CPNE4: variants seen among roughly 807,000 people sequenced by gnomAD.
CPNE4 encodes copine-4.
In CPNE4, 25 loss-of-function variants were observed where a neutral mutation model predicts 67.9. The ratio of observed to expected loss-of-function variants is 0.37; its 90% confidence interval spans 0.27 to 0.51. The LOEUF (loss-of-function observed/expected upper bound fraction) is 0.51, where lower values mean the gene tolerates loss of function less well. CPNE4 is among the 20% of genes least tolerant of loss of function. The probability of loss-of-function intolerance (pLI) is 0.93; values close to 1 mark genes in which losing one functional copy is unlikely to be tolerated. For synonymous variants in CPNE4, 242 were observed against 244.9 expected (o/e 0.99, Z 0.11); for missense variants, 464 against 690.8 (o/e 0.67, Z 3.68).
intron 2 of CPNE4, among the ~76,000 whole-genome samples, chr3:131,818,048 A>C (rs543765787): frequency 2.0e-5 from 3 of 152,176 alleles, no homozygotes; most frequent in African/African-American, 4.8e-5. Flanking sequence ...CCACAGCTCA[A>C]TTTTCAAAGG....
intron 5 of CPNE4, among the ~76,000 whole-genome samples, chr3:131,696,204 T>C (rs1011848975): frequency 6.6e-6 from 1 of 152,194 alleles, no homozygotes; most frequent in African/African-American, 2.4e-5. Context: ...ACATAGGTGC[T>C]CAATAAATGT....
chr3:131,723,156 A>G (rs2081928398), intron 3 of CPNE4, among the ~76,000 whole-genome samples: 1 of 152,214 alleles, frequency 6.6e-6, no homozygotes, highest in Non-Finnish European at 1.5e-5. Context: ...GCATAGTGCC[A>G]GACACATAAG....
chr3:131,709,191 GTT>G (rs1232806645), intron 3 of CPNE4, among the ~76,000 whole-genome samples: 2 of 151,594 alleles, frequency 1.3e-5, no homozygotes, highest in South Asian at 4.2e-4. Context: ...TTTCTAAATA[GTT>G]TTTGCAATGA....
At chr3:132,014,588 C>T (rs1262262899) in intron 1 of CPNE4, among the ~76,000 whole-genome samples, 1 of 152,114 alleles carries the variant, frequency 6.6e-6, no homozygotes, top group Non-Finnish European at 1.5e-5. Context: ...GTTTTAAATT[C>T]TATACACTAT....
At chr3:131,758,667 G>T (rs1347738832) in intron 2 of CPNE4, among the ~76,000 whole-genome samples, 1 of 152,112 alleles carries the variant, frequency 6.6e-6, no homozygotes, top group East Asian at 1.9e-4. Context: ...GGGGCAGATT[G>T]ATGTGGTTTG....
intron 1 of CPNE4, among the ~76,000 whole-genome samples, chr3:131,938,394 AT>A (rs1446964525): frequency 4.0e-5 from 6 of 151,422 alleles, no homozygotes; most frequent in African/African-American, 9.7e-5. Flanking sequence ...AAATAAAAAA[AT>A]AAACTTGATA....
intron 7 of CPNE4, among the ~76,000 whole-genome samples, chr3:131,657,797 C>G (rs561562694): frequency 6.6e-6 from 1 of 151,860 alleles, no homozygotes; most frequent in African/African-American, 2.4e-5. Flanking sequence ...ATCTCCTGAC[C>G]TCGTGATCTG....
chr3:131,929,526 G>T (rs1307419543), intron 1 of CPNE4, among the ~76,000 whole-genome samples: 1 of 152,136 alleles, frequency 6.6e-6, no homozygotes, highest in Non-Finnish European at 1.5e-5. Context: ...TCTCACGTCT[G>T]ATTTCTGCCC....
At chr3:131,538,710 G>C (rs1343690803) in intron 15 of CPNE4, 1 of 152,222 alleles carries the variant, frequency 6.6e-6, no homozygotes, top group Non-Finnish European at 1.5e-5. Flanking sequence ...AATGCAACAG[G>C]GTTGGGAAGT....
chr3:131,880,787 A>G (rs990525286), intron 2 of CPNE4, among the ~76,000 whole-genome samples: 1 of 152,270 alleles, frequency 6.6e-6, no homozygotes, highest in Non-Finnish European at 1.5e-5. Context: ...TGTACATTGC[A>G]AACATTAAGT....
At chr3:131,640,999 C>G (rs2079526023) in intron 7 of CPNE4, among the ~76,000 whole-genome samples, 1 of 152,142 alleles carries the variant, frequency 6.6e-6, no homozygotes, top group Non-Finnish European at 1.5e-5. Context: ...CGTCTCTCAC[C>G]TTATACAAAA....
intron 2 of CPNE4, among the ~76,000 whole-genome samples, chr3:131,790,262 T>C (rs1438926315): frequency 1.3e-5 from 2 of 152,188 alleles, no homozygotes; most frequent in East Asian, 1.9e-4. Flanking sequence ...TGCTAACTCC[T>C]GTGCTCACAA....
Position 131,550,154 on chromosome 3 carries a change from G to A in CPNE4, c.1169-74C>T, listed in dbSNP as rs893931692. ...TATTTATAGCCAAACACACACAAAA[G>A]TAAAGCATTAAATATCCCAAATAGT... On this transcript the variant is annotated intron_variant, in intron 13 of 15. Coordinates refer to ENST00000429747, the MANE Select transcript of CPNE4 (RefSeq NM_130808.3). 10 of 1,522,516 alleles carry A rather than the reference G, an allele frequency of 6.6e-6. No homozygotes were observed. In the African/African-American group the frequency reaches 1.2e-4, roughly 19 times the overall value. 94.3% of individuals were successfully genotyped at this position (1,522,516 alleles called of 1,614,324 possible).
intron 2 of CPNE4, among the ~76,000 whole-genome samples, chr3:131,820,132 T>C (rs1215118538): frequency 6.6e-6 from 1 of 152,188 alleles, no homozygotes; most frequent in African/African-American, 2.4e-5. Flanking sequence ...AAATGCCCAA[T>C]ACAAGGTGTT....
chr3:131,957,738 C>G (rs2072019242), intron 1 of CPNE4, among the ~76,000 whole-genome samples: 2 of 152,216 alleles, frequency 1.3e-5, no homozygotes, highest in African/African-American at 4.8e-5. Flanking sequence ...TTGCACACAG[C>G]CTCTGTATTC....
At chr3:131,735,633 G>C (rs918068680) in intron 2 of CPNE4, among the ~76,000 whole-genome samples, 1 of 152,166 alleles carries the variant, frequency 6.6e-6, no homozygotes, top group African/African-American at 2.4e-5. Context: ...GACATTTTAA[G>C]AAGTTTGCAT....
At chr3:131,574,475 G>T (rs1354376406) in intron 10 of CPNE4, among the ~76,000 whole-genome samples, 1 of 151,990 alleles carries the variant, frequency 6.6e-6, no homozygotes, top group African/African-American at 2.4e-5. Flanking sequence ...AAATCCCAAG[G>T]GCACACAAAT....
At chr3:131,832,022 T>C (rs960596050) in intron 2 of CPNE4, among the ~76,000 whole-genome samples, 1 of 152,230 alleles carries the variant, frequency 6.6e-6, no homozygotes, top group Non-Finnish European at 1.5e-5. Flanking sequence ...TTAGTTTTAA[T>C]GACCAAAATA....
intron 7 of CPNE4, among the ~76,000 whole-genome samples, chr3:131,629,514 G>T (rs1037757381): frequency 6.6e-6 from 1 of 151,876 alleles, no homozygotes; most frequent in African/African-American, 2.4e-5. Flanking sequence ...GTGTGATCTT[G>T]GCTCACTGCA....
Sources: allele counts gnomAD v4.1 joint callset (sites outside exome capture counted in the v4.1 genomes callset), GRCh38; gene constraint gnomAD v4.1.1; transcripts MANE v1.5; gene names NCBI Gene and HGNC (gene_info 2026-07-23, HGNC 2026-07-21).